The following SIRPG variants were observed in gnomAD, a reference collection of about 807,000 sequenced individuals.
The protein encoded by SIRPG is signal-regulatory protein gamma.
SIRPG carries 38 observed loss-of-function variants against 35.7 expected under a neutral mutation model. The ratio of observed to expected loss-of-function variants is 1.06; its 90% CI spans 0.82 to 1.40. The LOEUF (loss-of-function observed/expected upper bound fraction) is 1.40. Ranked by LOEUF, SIRPG falls within the 40% of genes most tolerant of loss-of-function variation. SIRPG has a pLI of 0.00. For missense variants in SIRPG, 519 were observed against 483.0 expected (o/e 1.07, Z -0.70); for synonymous variants, 215 against 190.4 (o/e 1.13, Z -1.06).
intron 2 of SIRPG, among the ~76,000 whole-genome samples, chr20:1,644,214 C>A (rs978244308): frequency 1.3e-5 from 2 of 152,210 alleles, no homozygotes; most frequent in South Asian, 2.1e-4. Context: ...CACCCCTCCC[C>A]CTAGGGGCTC....
At chr20:1,640,899 G>A (rs1242908282) in intron 2 of SIRPG, among the ~76,000 whole-genome samples, 1 of 152,202 alleles carries the variant, frequency 6.6e-6, no homozygotes, top group Non-Finnish European at 1.5e-5. Flanking sequence ...CTGTTTATGT[G>A]ATGGATTACA....
chr20:1,652,790 G>A (rs1295741490), intron 1 of SIRPG, among the ~76,000 whole-genome samples: 5 of 152,116 alleles, frequency 3.3e-5, no homozygotes, highest in Non-Finnish European at 7.4e-5. Flanking sequence ...TATTTATCAT[G>A]TGTATTGATT....
chr20:1,632,431 G>A (rs530539064), intron 4 of SIRPG, among the ~76,000 whole-genome samples: 1 of 152,176 alleles, frequency 6.6e-6, no homozygotes, highest in African/African-American at 2.4e-5. Context: ...CATTTTACCT[G>A]CCAGCCTAGA....
chr20:1,654,532 C>A (rs1186091944), intron 1 of SIRPG, among the ~76,000 whole-genome samples: 1 of 152,086 alleles, frequency 6.6e-6, no homozygotes, highest in Admixed American at 6.6e-5. Flanking sequence ...ATGCCTCATA[C>A]AAAAATCAAC....
At chr20:1,657,199 T>A (rs1263870596) in intron 1 of SIRPG, among the ~76,000 whole-genome samples, 1 of 152,152 alleles carries the variant, frequency 6.6e-6, no homozygotes, top group African/African-American at 2.4e-5. Flanking sequence ...CCTCCAGAAC[T>A]GAAAGAAAGA....
At chr20:1,662,802 A>G in the SIRPG span, among the ~76,000 whole-genome samples, 1 of 152,328 alleles carries the variant, frequency 6.6e-6, no homozygotes, top group African/African-American at 2.4e-5. Flanking sequence ...ACGTGGTAAT[A>G]TAATACAGTG....
chr20:1,654,227 G>C (rs1163855544), intron 1 of SIRPG, among the ~76,000 whole-genome samples: 1 of 140,288 alleles, frequency 7.1e-6, no homozygotes, highest in African/African-American at 2.7e-5. Flanking sequence ...GACAGAGCAA[G>C]ACTGCATCTA....
At chr20:1,685,918 G>A in the SIRPG span, among the ~76,000 whole-genome samples, 1 of 152,118 alleles carries the variant, frequency 6.6e-6, no homozygotes, top group South Asian at 2.1e-4. Flanking sequence ...GTGGCCTTGG[G>A]CAGATGGTTT....
At chr20:1,682,193 AAG>A in the SIRPG span, among the ~76,000 whole-genome samples, 1 of 152,212 alleles carries the variant, frequency 6.6e-6, no homozygotes, top group African/African-American at 2.4e-5. Flanking sequence ...AGTAAAAAAG[AAG>A]AGAGAGTGTG....
Position 1,635,490 on chromosome 20 carries a change from C to A in SIRPG, c.858G>T (p.Ser286=), listed in dbSNP as rs114922972. ...FYPQSLQLTW[S]ENGNVCQRET... ...CTCTCTGGCACACGTTTCCATTCTC[C>A]GACCAGGTCAGCTGTAGGCTCTGGG... Residue 286 remains serine, a synonymous_variant, in exon 4 of 6, where the codon TCG becomes TCT. Transcript: ENST00000303415. 4.3e-6 allele frequency: 7 copies of A among 1,614,026 alleles called. No individual in the cohort carries two copies. Among genetic ancestry groups the A allele is most frequent in the Non-Finnish European group, 5.9e-6 (7 of 1,180,008 alleles).
intron 1 of SIRPG, among the ~76,000 whole-genome samples, chr20:1,653,612 C>A (rs190790635): frequency 6.6e-6 from 1 of 152,122 alleles, no homozygotes; most frequent in African/African-American, 2.4e-5. Context: ...TAAAAATGCA[C>A]AGAAATTCTG....
upstream of SIRPG, among the ~76,000 whole-genome samples, chr20:1,660,292 C>T (rs1006830125): frequency 8.5e-5 from 13 of 152,070 alleles, no homozygotes; most frequent in African/African-American, 2.9e-4. Context: ...AGTTAGTAAG[C>T]TGGGTGATTA....
intron 2 of SIRPG, among the ~76,000 whole-genome samples, chr20:1,643,660 T>A (rs934413160): frequency 6.6e-6 from 1 of 152,210 alleles, no homozygotes; most frequent in African/African-American, 2.4e-5. Context: ...AACTCTGGCC[T>A]TTTGGGTTGT....
At chr20:1,668,199 T>TTTTCTTTCTTTCTTTCTTTCTTTCTTTC in the SIRPG span, among the ~76,000 whole-genome samples, 21 of 67,448 alleles carry the variant, frequency 3.1e-4, no homozygotes, top group East Asian at 1.7e-3. Context: ...TTTTCTTTTC[T>TTTTCTTTCTTTCTTTCTTTCTTTCTTTC]TTTCTTTCTT....
intron 2 of SIRPG, among the ~76,000 whole-genome samples, chr20:1,640,634 T>C (rs1403122387): frequency 6.6e-6 from 1 of 152,204 alleles, no homozygotes; most frequent in Non-Finnish European, 1.5e-5. Context: ...GGACAGAACT[T>C]CTAATACTAT....
intron 1 of SIRPG, among the ~76,000 whole-genome samples, chr20:1,655,916 G>A (rs951551356): frequency 6.6e-6 from 1 of 151,970 alleles, no homozygotes; most frequent in Non-Finnish European, 1.5e-5. Flanking sequence ...AGGCACATGT[G>A]CATATATATG....
chr20:1,635,042 CA>C (rs11479458), intron 4 of SIRPG, among the ~76,000 whole-genome samples: 71,628 of 142,642 alleles, frequency 0.5, 17,607 homozygotes, highest in African/African-American at 0.58. Flanking sequence ...GACTCCGTCT[CA>C]AAAAAAAAAA....
chr20:1,684,307 TTTC>T, the SIRPG span, among the ~76,000 whole-genome samples: 3 of 152,180 alleles, frequency 2.0e-5, no homozygotes, highest in South Asian at 6.2e-4. Flanking sequence ...ATAAAATACA[TTTC>T]TTTTCTGAGA....
the SIRPG span, among the ~76,000 whole-genome samples, chr20:1,666,098 T>C: frequency 6.6e-6 from 1 of 150,920 alleles, no homozygotes; most frequent in Non-Finnish European, 1.5e-5. Flanking sequence ...TGGGAGGTCT[T>C]AGTTTTTAAC....
Sources: gnomAD v4.1 joint callset for allele counts (sites outside exome capture counted in the v4.1 genomes callset) on GRCh38, gnomAD v4.1.1 for gene constraint, MANE v1.5 for transcripts, NCBI Gene and HGNC (gene_info 2026-07-23, HGNC 2026-07-21) for gene names.